PHACTR3: variants seen among roughly 807,000 people sequenced by gnomAD.
PHACTR3 encodes protein phosphatase 1, regulatory subunit 123.
In PHACTR3, 16 loss-of-function variants were observed where a neutral mutation model predicts 66.8. The observed-to-expected ratio is 0.24, with a 90% CI of 0.16 to 0.36. PHACTR3 has a LOEUF of 0.36. PHACTR3 is among the 10% of genes least tolerant of loss of function. The pLI, the probability that PHACTR3 is intolerant of heterozygous loss-of-function variation, is 1.00. For missense variants in PHACTR3, 647 were observed against 719.9 expected (o/e 0.90, Z 1.16); for synonymous variants, 323 against 292.1 (o/e 1.11, Z -1.08).
intron 1 of PHACTR3, among the ~76,000 whole-genome samples, chr20:59,652,630 A>G (rs1430967556): frequency 6.6e-6 from 1 of 152,216 alleles, no homozygotes; most frequent in Non-Finnish European, 1.5e-5. Context: ...ATTCTTTTAA[A>G]TAATTAGATA....
chr20:59,715,883 T>C (rs1460754488), intron 1 of PHACTR3, among the ~76,000 whole-genome samples: 2 of 152,236 alleles, frequency 1.3e-5, no homozygotes, highest in African/African-American at 4.8e-5. Context: ...TATTTATTTA[T>C]TCAGCAAAAA....
intron 5 of PHACTR3, among the ~76,000 whole-genome samples, chr20:59,769,280 A>G (rs568824709): frequency 2.6e-5 from 4 of 152,338 alleles, no homozygotes; most frequent in South Asian, 4.1e-4. Flanking sequence ...ACCTCAGAAC[A>G]TGACCTTGTT....
intron 11 of PHACTR3, chr20:59,843,591 A>ACT (rs888756110): frequency 3.3e-5 from 5 of 152,048 alleles, no homozygotes; most frequent in African/African-American, 1.2e-4. Flanking sequence ...GGGAAAGGAC[A>ACT]CTCTTCAATA....
chr20:59,583,656 C>T (rs1473747885), intron 1 of PHACTR3, among the ~76,000 whole-genome samples: 2 of 152,180 alleles, frequency 1.3e-5, no homozygotes, highest in South Asian at 2.1e-4. Flanking sequence ...TACCAGACTT[C>T]GGTAGCGGTT....
intron 1 of PHACTR3, among the ~76,000 whole-genome samples, chr20:59,679,398 A>G (rs1482830440): frequency 1.3e-5 from 2 of 152,208 alleles, no homozygotes; most frequent in Admixed American, 6.5e-5. Context: ...TGCTGAAACA[A>G]TAGGTGTTCA....
chr20:59,581,827 G>C (rs2032868727), intron 1 of PHACTR3, among the ~76,000 whole-genome samples: 1 of 151,252 alleles, frequency 6.6e-6, no homozygotes, highest in Non-Finnish European at 1.5e-5. Context: ...CTTGCAGTGA[G>C]ACGACATTGC....
chr20:59,769,466 C>T (rs562919914), intron 5 of PHACTR3, among the ~76,000 whole-genome samples: 6 of 152,304 alleles, frequency 3.9e-5, no homozygotes, highest in Non-Finnish European at 4.4e-5. Context: ...AGGCCTGGGA[C>T]GGCATCTCCC....
chr20:59,731,305 A>G (rs1324829167), intron 1 of PHACTR3, among the ~76,000 whole-genome samples: 1 of 152,194 alleles, frequency 6.6e-6, no homozygotes, highest in African/African-American at 2.4e-5. Context: ...AGCAGCTTTT[A>G]GCCTTTGCAA....
chr20:59,697,537 G>A (rs2037344797), intron 1 of PHACTR3, among the ~76,000 whole-genome samples: 3 of 152,118 alleles, frequency 2.0e-5, no homozygotes, highest in Admixed American at 2.0e-4. Context: ...GAGACCATTG[G>A]TAACTCATCG....
intron 1 of PHACTR3, among the ~76,000 whole-genome samples, chr20:59,634,775 C>T (rs538259365): frequency 2.3e-4 from 35 of 152,342 alleles, no homozygotes; most frequent in Non-Finnish European, 3.4e-4. Context: ...TCTAGGTCTG[C>T]GCCATGCCGC....
chr20:59,618,121 G>T (rs772675770), intron 1 of PHACTR3, among the ~76,000 whole-genome samples: 20 of 152,236 alleles, frequency 1.3e-4, no homozygotes, highest in Non-Finnish European at 1.9e-4. Context: ...GCAGGAAAGG[G>T]AAAGGTATGC....
chr20:59,691,125 G>A (rs116587453), intron 1 of PHACTR3, among the ~76,000 whole-genome samples: 305 of 152,350 alleles, frequency 2.0e-3, no homozygotes, highest in African/African-American at 6.9e-3. Context: ...GGAGGAACTA[G>A]TTGAGGCTGG....
At chr20:59,709,251 TG>T (rs1218332187) in intron 1 of PHACTR3, among the ~76,000 whole-genome samples, 3 of 152,224 alleles carry the variant, frequency 2.0e-5, no homozygotes, top group Non-Finnish European at 2.9e-5. Flanking sequence ...TTTTCTGAGA[TG>T]TACCTTTTCC....
upstream of PHACTR3, among the ~76,000 whole-genome samples, chr20:59,599,663 C>T (rs1011628955): frequency 6.6e-6 from 1 of 151,520 alleles, no homozygotes; most frequent in African/African-American, 2.4e-5. Flanking sequence ...TCAATTCTAC[C>T]CCCCTCATAA....
chr20:59,636,794 A>G lies in PHACTR3; in HGVS notation c.118+31662A>G, dbSNP rs557847254. 5.9e-5 allele frequency among the ~76,000 whole-genome samples: 9 copies of G among 152,358 alleles called. No individual in the cohort carries two copies. The South Asian group carries it at 1.7e-3, about 28-fold the overall frequency. Reference sequence around the variant, plus strand: ...AGCAATGATTATTAATACAGTGATGAAAAATACAGAGCAAAGATGATAAAC... The same window carrying G: ...AGCAATGATTATTAATACAGTGATGGAAAATACAGAGCAAAGATGATAAAC... On this transcript the variant is annotated intron_variant, in intron 1 of 12. Transcript: ENST00000371015.
At chr20:59,781,757 T>C (rs2040734691) in intron 7 of PHACTR3, among the ~76,000 whole-genome samples, 1 of 152,156 alleles carries the variant, frequency 6.6e-6, no homozygotes, top group Non-Finnish European at 1.5e-5. Flanking sequence ...TACATATTAA[T>C]ATGTTCTAGC....
intron 5 of PHACTR3, among the ~76,000 whole-genome samples, chr20:59,769,159 C>G (rs1414262589): frequency 6.6e-6 from 1 of 152,244 alleles, no homozygotes; most frequent in African/African-American, 2.4e-5. Flanking sequence ...GGAGCCAGCC[C>G]TGACCCTTGA....
At chr20:59,782,711 G>A (rs944334624) in intron 7 of PHACTR3, among the ~76,000 whole-genome samples, 1 of 152,120 alleles carries the variant, frequency 6.6e-6, no homozygotes, top group Non-Finnish European at 1.5e-5. Flanking sequence ...AAAGTATGGG[G>A]GAAACCACCC....
intron 1 of PHACTR3, among the ~76,000 whole-genome samples, chr20:59,619,553 A>G (rs2034161857): frequency 6.6e-6 from 1 of 151,812 alleles, no homozygotes; most frequent in Non-Finnish European, 1.5e-5. Context: ...AGCCTTTCGG[A>G]CCCCGAGCAG....
Sources: gnomAD v4.1 joint callset for allele counts (sites outside exome capture counted in the v4.1 genomes callset) on GRCh38, gnomAD v4.1.1 for gene constraint, MANE v1.5 for transcripts, NCBI Gene and HGNC (gene_info 2026-07-23, HGNC 2026-07-21) for gene names.